The following KNL1 variants were observed in gnomAD, a reference collection of about 807,000 sequenced individuals.
KNL1 encodes the protein outer kinetochore KNL1 complex subunit KNL1.
In KNL1, 66 loss-of-function variants were observed where a neutral mutation model predicts 201.3. That is an observed-to-expected ratio of 0.33 (90% CI 0.27 to 0.40). The LOEUF (loss-of-function observed/expected upper bound fraction) is 0.40, where lower values mean the gene tolerates loss of function less well. KNL1 is among the 10% of genes least tolerant of loss of function. The pLI is 1.00. For missense variants in KNL1, 2,815 were observed against 2,690.5 expected (o/e 1.05, Z -1.02); for synonymous variants, 895 against 899.2 (o/e 1.00, Z 0.08).
At chr15:40,607,269 C>T (rs886284648) in intron 4 of KNL1, among the ~76,000 whole-genome samples, 2 of 152,248 alleles carry the variant, frequency 1.3e-5, no homozygotes, top group Non-Finnish European at 2.9e-5. Context: ...ACATCTCACA[C>T]ATGCGTGTGA....
intron 22 of KNL1, among the ~76,000 whole-genome samples, chr15:40,655,815 C>G (rs952224782): frequency 4.6e-5 from 7 of 150,990 alleles, no homozygotes; most frequent in African/African-American, 7.3e-5. Flanking sequence ...ACTTGGGAGG[C>G]TGAGGCAGGA....
At chr15:40,646,931 T>C (rs1159141994) in intron 16 of KNL1, 56 bp from the exon 17 acceptor site, 7 of 764,264 alleles carry the variant, frequency 9.2e-6, no homozygotes, top group African/African-American at 1.8e-5. Flanking sequence ...GTTTGAACCA[T>C]TTATAATATT....
At chr15:40,630,967 A>C (rs1436055852) in intron 13 of KNL1, among the ~76,000 whole-genome samples, 2 of 151,642 alleles carry the variant, frequency 1.3e-5, no homozygotes, top group Non-Finnish European at 1.5e-5. Flanking sequence ...ACAATACAAA[A>C]ATTAGCTGGG....
At chr15:40,652,174 CTT>C in intron 21 of KNL1, 69 bp downstream of exon 21, 1 of 984,666 alleles carries the variant, frequency 1.0e-6, no homozygotes, top group Non-Finnish European at 1.6e-6. Context: ...AGATTCAAAT[CTT>C]TATTTTACTA....
chr15:40,629,650 C>T (rs375320092), intron 13 of KNL1, among the ~76,000 whole-genome samples: 1 of 151,418 alleles, frequency 6.6e-6, no homozygotes, highest in African/African-American at 2.4e-5. Context: ...ACTACAGGCG[C>T]GTGCCACCAC....
chr15:40,597,568 C>T (rs1891656335), intron 1 of KNL1, among the ~76,000 whole-genome samples: 1 of 152,166 alleles, frequency 6.6e-6, no homozygotes, highest in Non-Finnish European at 1.5e-5. Context: ...AGCCATCGCA[C>T]CAGGCCCCGG....
At chr15:40,635,983 A>G (rs1893045830) in intron 13 of KNL1, among the ~76,000 whole-genome samples, 1 of 152,078 alleles carries the variant, frequency 6.6e-6, no homozygotes, top group Admixed American at 6.6e-5. Context: ...GATTGCAGGC[A>G]CCTACCACCA....
Position 40,625,265 on chromosome 15 carries a change from T to G in KNL1, c.5001T>G (p.Gly1667=). The G allele has an allele frequency of 1.2e-6, 2 of 1,614,102 alleles. No homozygotes were observed. The highest frequency in any genetic ancestry group is 3.3e-5 in the Admixed American group (2 of 60,016). ...ACAAGAGAAATTGTAGTGTCACTGG[T>G]ATTGATGACCTGGAACAGATTCCAG... The part of the protein sequence containing the change: ...LPNKRNCSVT[G]IDDLEQIPAD... Residue 1667 remains glycine, a synonymous_variant, in exon 10 of 26, where the codon GGT becomes GGG. Transcript: ENST00000399668.
chr15:40,660,048 C>G (rs1024637870), intron 25 of KNL1, among the ~76,000 whole-genome samples: 5 of 151,810 alleles, frequency 3.3e-5, no homozygotes, highest in Non-Finnish European at 7.4e-5. Context: ...GTAACTGGGA[C>G]TTAAAGGCAA....
chr15:40,625,023 C>G lies in KNL1; in HGVS notation c.4759C>G (p.Leu1587Val). 6.2e-7 allele frequency: 1 copy of G among 1,613,878 alleles called. No individual in the cohort carries two copies. The highest frequency in any genetic ancestry group is 8.5e-7 in the Non-Finnish European group (1 of 1,179,906). Reference sequence around the variant, plus strand: ...TCTACCACCCCTTCCAGAGCAATTACTTGAATTAGGAAATAAGGCACACAA... The same window carrying G: ...TCTACCACCCCTTCCAGAGCAATTAGTTGAATTAGGAAATAAGGCACACAA... The part of the protein sequence containing the change: ...VHLPPLPEQL[L>V]ELGNKAHNDM... The change falls in exon 10 of 26, where the codon CTT becomes GTT. Residue 1587 changes from leucine to valine, a missense_variant. Leu to Val is a conservative substitution (Grantham distance 32). Around this residue, in one of 3 missense-constraint regions of KNL1, gnomAD observed 2,464 missense variants for 2,291.7 expected, o/e 1.08. Transcript: ENST00000399668.
chr15:40,622,858 C>T lies in KNL1; in HGVS notation c.2594C>T (p.Ser865Leu). The T allele has an allele frequency of 2.5e-6, 4 of 1,613,398 alleles. No homozygotes were observed. Among genetic ancestry groups the T allele is most frequent in the Non-Finnish European group, 2.5e-6 (3 of 1,179,550 alleles). The change falls in exon 10 of 26, where the codon TCA (serine) becomes TTA (leucine). Residue 865 changes from serine to leucine, a missense_variant. Around this residue, in one of 3 missense-constraint regions of KNL1, gnomAD observed 2,464 missense variants for 2,291.7 expected, o/e 1.08. Transcript: ENST00000399668. Reference protein sequence around the residue: ...GPKIDKTIVFSEDDKNDMDIT... With the variant: ...GPKIDKTIVFLEDDKNDMDIT... The stretch of plus-strand genomic sequence containing the variant: ...AAAATTGATAAGACTATTGTATTTT[C>T]AGAAGACGATAAGAATGATATGGAT...
chr15:40,647,916 G>C (rs1033921390), intron 17 of KNL1, among the ~76,000 whole-genome samples: 1 of 152,104 alleles, frequency 6.6e-6, no homozygotes, highest in Non-Finnish European at 1.5e-5. Context: ...CTGATCCCTT[G>C]TGGGGATTTA....
Position 40,663,645 on chromosome 15 carries a change from G to A in KNL1, c.*1457G>A. 5.1e-6 allele frequency: 1 copy of A among 195,008 alleles called. No individual in the cohort carries two copies. Among genetic ancestry groups the A allele is most frequent in the East Asian group, 8.1e-5 (1 of 12,362 alleles). The allele number at this position is 195,008 out of a possible 1,614,324, so 12.1% of individuals were successfully genotyped here. A position where few individuals can be genotyped will look rare whatever the true frequency, so the allele number is the denominator to read the frequency against. On this transcript the variant is annotated 3_prime_UTR_variant, in exon 26 of 26. Transcript: ENST00000399668. The stretch of plus-strand genomic sequence containing the variant: ...TTCTAGCAGTAATAATAGACTTGCT[G>A]TAAGTATTGTTTTCTGATGCCATAC...
chr15:40,625,624 C>A lies in KNL1; in HGVS notation c.5360C>A (p.Thr1787Lys). 1.2e-6 allele frequency: 2 copies of A among 1,610,356 alleles called. No individual in the cohort carries two copies. The highest frequency in any genetic ancestry group is 1.7e-6 in the Non-Finnish European group (2 of 1,178,510). ...AAAAATGAGATTAAGTTTAGTGATA[C>A]GACACAAGATCGGGAGGTGAGCTCT... Reference protein sequence around the residue: ...IRKNEIKFSDTTQDREIFDHH... With the variant: ...IRKNEIKFSDKTQDREIFDHH... Residue 1787 changes from threonine to lysine, a missense_variant, in exon 10 of 26, where the codon ACG (threonine) becomes AAG (lysine). Thr to Lys is a moderately conservative substitution (Grantham distance 78). This residue lies in a region of KNL1 where 2,464 missense variants were observed against 2,291.7 expected (regional missense o/e 1.08). Transcript: ENST00000399668.
chr15:40,620,953 T>C lies in KNL1; in HGVS notation c.689T>C (p.Phe230Ser). Residue 230 changes from phenylalanine to serine, a missense_variant, in exon 10 of 26, where the codon TTT becomes TCT. Transcript: ENST00000399668. ...KRLKTGKCSA[F>S]PDVPDKENFE... ...TTGAAAACAGGAAAATGTAGTGCTT[T>C]TCCTGATGTGCCTGATAAAGAAAAT... 1 of 1,606,864 alleles carries C rather than the reference T, an allele frequency of 6.2e-7. No homozygotes were observed. Among genetic ancestry groups the C allele is most frequent in the South Asian group, 1.1e-5 (1 of 90,016 alleles).
At chr15:40,627,002 C>G (rs1181579351) in intron 10 of KNL1, among the ~76,000 whole-genome samples, 1 of 152,168 alleles carries the variant, frequency 6.6e-6, no homozygotes, top group Non-Finnish European at 1.5e-5. Flanking sequence ...TCAAGCGATT[C>G]TCCTGCCTTG....
intron 1 of KNL1, among the ~76,000 whole-genome samples, chr15:40,601,684 G>A (rs1171946217): frequency 1.3e-5 from 2 of 151,366 alleles, no homozygotes; most frequent in Non-Finnish European, 2.9e-5. Flanking sequence ...AGCCGGGCGC[G>A]GTCGTGGGCG....
rs759393591 is a variant in KNL1, at chr15:40,623,765, C to T, written c.3501C>T (p.Thr1167=). 70 of 1,613,600 alleles carry T rather than the reference C, an allele frequency of 4.3e-5. No homozygotes were observed. Among genetic ancestry groups the T allele is most frequent in the Admixed American group, 1.0e-4 (6 of 59,978 alleles). The change falls in exon 10 of 26, where the codon ACC becomes ACT. Residue 1167 remains threonine (T), a synonymous_variant. Coordinates refer to ENST00000399668, the MANE Select transcript of KNL1 (RefSeq NM_144508.5). The part of the protein sequence containing the change: ...FTDNYSDLEV[T]DSHTVFIDCQ... ...ATAATTACAGTGATCTGGAAGTCAC[C>T]GATTCCCATACTGTTTTCATTGACT... is the stretch of plus-strand genomic sequence containing the variant.
chr15:40,656,416 G>A (rs1234508212), intron 22 of KNL1, among the ~76,000 whole-genome samples: 1 of 151,982 alleles, frequency 6.6e-6, no homozygotes, highest in African/African-American at 2.4e-5. Context: ...CTGGGCAATA[G>A]AGTGACACTC....
Sources: allele counts gnomAD v4.1 joint callset (sites outside exome capture counted in the v4.1 genomes callset), GRCh38; gene constraint gnomAD v4.1.1; regional missense constraint gnomAD v4.1.1; transcripts MANE v1.5; gene names NCBI Gene and HGNC (gene_info 2026-07-23, HGNC 2026-07-21).